MYO5A: variants seen among roughly 807,000 people sequenced by gnomAD.
MYO5A encodes the protein unconventional myosin-Va.
In MYO5A, 98 loss-of-function variants were observed where a neutral mutation model predicts 249.7. The ratio of observed to expected loss-of-function variants is 0.39; its 90% CI spans 0.33 to 0.46. The LOEUF (loss-of-function observed/expected upper bound fraction) is 0.46. Ranked by LOEUF, MYO5A falls within the 20% of genes least tolerant of loss-of-function variation. MYO5A has a pLI of 0.98. For synonymous variants in MYO5A, 778 were observed against 810.6 expected (o/e 0.96, Z 0.68); for missense variants, 1,696 against 2,308.8 (o/e 0.73, Z 5.44).
chr15:52,520,319 GCA>G (rs1445197319), intron 1 of MYO5A, among the ~76,000 whole-genome samples: 2 of 152,116 alleles, frequency 1.3e-5, no homozygotes, highest in Non-Finnish European at 2.9e-5. Flanking sequence ...TCTGGGGTGA[GCA>G]CAGACTTGAC....
rs557426416 is a variant in MYO5A, at chr15:52,407,602, AGTTT to A, written c.839-207_839-204del. ...TAAATAAATGGGGTAAAATATTTATAGTTTATTTATGTTAATTGGTAAAATAAAT... is the reference window on the plus strand; with the variant it reads ...TAAATAAATGGGGTAAAATATTTATAATTTATGTTAATTGGTAAAATAAAT... On this transcript the variant is annotated intron_variant, in intron 7 of 41. Transcript: ENST00000399233. 1.9e-3 allele frequency among the ~76,000 whole-genome samples: 287 copies of A among 152,198 alleles called. 3 individuals carry two copies. Among genetic ancestry groups the A allele is most frequent in the African/African-American group, 6.6e-3 (275 of 41,570 alleles).
intron 9 of MYO5A, among the ~76,000 whole-genome samples, chr15:52,402,288 C>T (rs1473906878): frequency 1.3e-5 from 2 of 152,192 alleles, no homozygotes; most frequent in African/African-American, 4.8e-5. Context: ...TTTTCTGCCT[C>T]TACTTGGCAC....
At chr15:52,375,569 A>G in intron 19 of MYO5A, 109 bp from the exon 20 acceptor site, 1 of 1,104,576 alleles carries the variant, frequency 9.1e-7, no homozygotes, top group Non-Finnish European at 1.3e-6. Flanking sequence ...TAGTACCTCC[A>G]TTGTATTATT....
At chr15:52,381,763 G>GTCTC (rs1166176936) in intron 16 of MYO5A, among the ~76,000 whole-genome samples, 5 of 150,342 alleles carry the variant, frequency 3.3e-5, no homozygotes, top group African/African-American at 4.9e-5. Context: ...CTCCTTTTGT[G>GTCTC]TCTCTCTCTC....
chr15:52,377,395 C>T (rs548856624), intron 18 of MYO5A, among the ~76,000 whole-genome samples: 1 of 151,434 alleles, frequency 6.6e-6, no homozygotes, highest in South Asian at 2.1e-4. Context: ...GCACTCCAGC[C>T]TAGCAACAGA....
Position 52,413,667 on chromosome 15 carries a change from T to G in MYO5A, c.612+2478A>C, listed in dbSNP as rs560657929. ...TTTTCAGACTACATACTCAATATTT[T>G]ACCTATGTTTTCTTCCAGTAACTGA... On this transcript the variant is annotated intron_variant, in intron 5 of 41. Coordinates refer to ENST00000399233, the MANE Select transcript of MYO5A (RefSeq NM_001382347.1). 2.6e-5 allele frequency among the ~76,000 whole-genome samples: 4 copies of G among 152,330 alleles called. 1 individual carries two copies. The South Asian group carries it at 8.3e-4, about 32-fold the overall frequency.
At chr15:52,326,788 G>C (rs576068762) in intron 36 of MYO5A, among the ~76,000 whole-genome samples, 7 of 152,258 alleles carry the variant, frequency 4.6e-5, no homozygotes, top group African/African-American at 1.7e-4. Flanking sequence ...CTGGCATGTT[G>C]ACTATCCACT....
chr15:52,371,317 GTAAC>G (rs1350854423), intron 21 of MYO5A, among the ~76,000 whole-genome samples: 1 of 151,912 alleles, frequency 6.6e-6, no homozygotes, highest in African/African-American at 2.4e-5. Context: ...TAAAATATTA[GTAAC>G]TATCTTTAAT....
intron 36 of MYO5A, among the ~76,000 whole-genome samples, chr15:52,327,159 C>A (rs2038647345): frequency 6.6e-6 from 1 of 152,124 alleles, no homozygotes; most frequent in Admixed American, 6.6e-5. Context: ...TATGAATGAG[C>A]CATATCTTAA....
intron 1 of MYO5A, among the ~76,000 whole-genome samples, chr15:52,475,671 G>A (rs2076576584): frequency 6.6e-6 from 1 of 152,190 alleles, no homozygotes. Context: ...GGAGCAGGTT[G>A]TTCAGTTTCC....
chr15:52,526,322 G>A (rs780259545), intron 1 of MYO5A, among the ~76,000 whole-genome samples: 2 of 152,070 alleles, frequency 1.3e-5, no homozygotes, highest in South Asian at 2.1e-4. Flanking sequence ...CTCAGCTCTC[G>A]AGTAGCTGGG....
At chr15:52,430,328 G>A (rs1404695250) in intron 2 of MYO5A, among the ~76,000 whole-genome samples, 2 of 152,160 alleles carry the variant, frequency 1.3e-5, no homozygotes, top group Admixed American at 6.5e-5. Flanking sequence ...ACAGGGTGGG[G>A]TTGTTTGTGG....
chr15:52,335,303 C>G (rs2039060067), intron 34 of MYO5A, among the ~76,000 whole-genome samples: 1 of 151,956 alleles, frequency 6.6e-6, no homozygotes. Flanking sequence ...GGATCACGAG[C>G]TCAGGAGTTC....
chr15:52,402,965 G>C (rs1595606638), intron 9 of MYO5A, among the ~76,000 whole-genome samples: 3 of 152,310 alleles, frequency 2.0e-5, no homozygotes, highest in East Asian at 1.9e-4. Context: ...CAACAAAGTT[G>C]ACAAGCACCG....
chr15:52,405,728 G>C (rs1347252074), intron 8 of MYO5A, among the ~76,000 whole-genome samples: 2 of 152,124 alleles, frequency 1.3e-5, no homozygotes, highest in South Asian at 2.1e-4. Context: ...CTACTTCAAA[G>C]TATGTGAAGA....
intron 1 of MYO5A, among the ~76,000 whole-genome samples, chr15:52,444,720 A>G (rs527375106): frequency 2.6e-5 from 4 of 152,346 alleles, no homozygotes; most frequent in Non-Finnish European, 4.4e-5. Context: ...TGTAGAAAAA[A>G]GTATTAAATG....
chr15:52,370,121 C>T (rs749954070), intron 22 of MYO5A, 48 bp downstream of exon 22: 3 of 1,611,428 alleles, frequency 1.9e-6, no homozygotes, highest in Non-Finnish European at 1.7e-6. Context: ...GATGACAGCA[C>T]CTCTCTTTTG....
chr15:52,312,666 T>A lies in MYO5A; in HGVS notation c.*1030A>T, dbSNP rs2037820057. On this transcript the variant is annotated 3_prime_UTR_variant, in exon 42 of 42. Transcript: ENST00000399233. Reference sequence around the variant, plus strand: ...AGCCACCGCGCCCAGCCGAGATTAATTCTTAATAAATTAAGAAGAGAGAAA... The same window carrying A: ...AGCCACCGCGCCCAGCCGAGATTAAATCTTAATAAATTAAGAAGAGAGAAA... The A allele has an allele frequency of 6.6e-6, 1 of 152,268 alleles. No homozygotes were observed. The highest frequency in any genetic ancestry group is 6.5e-5 in the Admixed American group (1 of 15,288). 9.4% of individuals were successfully genotyped at this position (152,268 alleles called of 1,614,324 possible).
At chr15:52,453,336 C>T (rs2076056688) in intron 1 of MYO5A, among the ~76,000 whole-genome samples, 1 of 151,986 alleles carries the variant, frequency 6.6e-6, no homozygotes, top group Non-Finnish European at 1.5e-5. Flanking sequence ...TCCAACAAAG[C>T]TATCCTTCAA....
Sources: gnomAD v4.1 joint callset for allele counts (sites outside exome capture counted in the v4.1 genomes callset) on GRCh38, gnomAD v4.1.1 for gene constraint, MANE v1.5 for transcripts, NCBI Gene and HGNC (gene_info 2026-07-23, HGNC 2026-07-21) for gene names.